Variants in NUP155 observed in about 807,000 individuals in gnomAD.
NUP155 encodes nuclear pore complex protein Nup155.
In NUP155, 71 loss-of-function variants were observed where a neutral mutation model predicts 180.4. The ratio of observed to expected loss-of-function variants is 0.39; its 90% CI spans 0.33 to 0.48. The LOEUF (loss-of-function observed/expected upper bound fraction) is 0.48, where lower values mean the gene tolerates loss of function less well. NUP155 is among the 20% of genes least tolerant of loss of function. The probability of loss-of-function intolerance (pLI) is 0.91; values close to 1 mark genes in which losing one functional copy is unlikely to be tolerated. For missense variants in NUP155, 1,553 were observed against 1,648.9 expected (o/e 0.94, Z 1.01); for synonymous variants, 582 against 559.5 (o/e 1.04, Z -0.57).
chr5:37,324,106 A>G lies in NUP155; in HGVS notation c.2093T>C (p.Ile698Thr). 4 of 1,593,308 alleles carry G rather than the reference A, an allele frequency of 2.5e-6. No individual in the cohort carries two copies. Among genetic ancestry groups the G allele is most frequent in the Admixed American group, 1.7e-5 (1 of 59,960 alleles). The change falls in exon 20 of 35, where the codon ATT (isoleucine) becomes ACT (threonine). Residue 698 changes from isoleucine to threonine, a missense_variant and splice_region_variant. By Grantham distance (89) the Ile-to-Thr change is moderately conservative. Coordinates refer to ENST00000231498, the MANE Select transcript of NUP155 (RefSeq NM_153485.3). ...FKSGNREITA[I>T]ESSVPCQLLE... The stretch of plus-strand genomic sequence containing the variant: ...CAGTTGGCAGGGAACACTACTTTCA[A>G]TCTGTAAAAATGAAAGATTTTTCAA...
chr5:37,305,124 T>C lies in NUP155; in HGVS notation c.2990A>G (p.Lys997Arg). ...KAAPQSPSVP[K>R]KPGPPVLSSD... The stretch of plus-strand genomic sequence containing the variant: ...TGACAACACTGGAGGACCAGGTTTT[T>C]TGGGTACACTGGGAGACTGAGGAGC... Residue 997 changes from lysine (K) to arginine (R), a missense_variant, in exon 26 of 35, where the codon AAA becomes AGA. Coordinates refer to ENST00000231498, the MANE Select transcript of NUP155 (RefSeq NM_153485.3). 2 of 1,614,054 alleles carry C rather than the reference T, an allele frequency of 1.2e-6. No homozygotes were observed. Among genetic ancestry groups the C allele is most frequent in the South Asian group, 2.2e-5 (2 of 91,076 alleles).
rs1264249191 is a variant in NUP155, at chr5:37,295,731, C to T, written c.3794-1266G>A. Among the ~76,000 whole-genome samples, 23 of 151,382 alleles carry T rather than the reference C, an allele frequency of 1.5e-4. No individual in the cohort carries two copies. The South Asian group carries it at 1.7e-3, about 11-fold the overall frequency. On this transcript the variant is annotated intron_variant, in intron 32 of 34. Transcript: ENST00000231498. Reference sequence around the variant, plus strand: ...CCGGGATGTGAGGAGCGTCTCTGCCCGGCCACCCCGTCTGAGAAGTGAGGA... The same window carrying T: ...CCGGGATGTGAGGAGCGTCTCTGCCTGGCCACCCCGTCTGAGAAGTGAGGA...
intron 11 of NUP155, among the ~76,000 whole-genome samples, chr5:37,338,270 A>G (rs1745476164): frequency 7.1e-6 from 1 of 140,842 alleles, no homozygotes; most frequent in African/African-American, 2.7e-5. Context: ...GTAAGCTGAG[A>G]TTGTGCCACT....
intron 1 of NUP155, among the ~76,000 whole-genome samples, chr5:37,368,610 A>T (rs1199326886): frequency 6.6e-6 from 1 of 152,046 alleles, no homozygotes; most frequent in Non-Finnish European, 1.5e-5. Flanking sequence ...ACATGAGGTC[A>T]GGAGATCAAG....
intron 8 of NUP155, 29 bp from the exon 9 acceptor site, chr5:37,348,625 AC>A: frequency 8.1e-7 from 1 of 1,237,350 alleles, no homozygotes; most frequent in Non-Finnish European, 1.2e-6. Context: ...TCTCACTTAA[AC>A]ATGATTATAT....
chr5:37,364,328 A>C lies in NUP155; in HGVS notation c.214T>G (p.Leu72Val). ...DMDYPLQGPG[L>V]LSVPNLPEIS... is the part of the protein sequence containing the mutation. Reference sequence around the variant, plus strand: ...TCTGGAAGGTTGGGTACGGACAGCAAACCAGGTCCTTGCAAAGGATAATCC... The same window carrying C: ...TCTGGAAGGTTGGGTACGGACAGCACACCAGGTCCTTGCAAAGGATAATCC... The change falls in exon 2 of 35, where the codon TTG (leucine) becomes GTG (valine). Residue 72 changes from leucine to valine, a missense_variant. Coordinates refer to ENST00000231498, the MANE Select transcript of NUP155 (RefSeq NM_153485.3). 1.2e-6 allele frequency: 2 copies of C among 1,611,702 alleles called. No homozygotes were observed. Among genetic ancestry groups the C allele is most frequent in the Non-Finnish European group, 1.7e-6 (2 of 1,177,814 alleles).
intron 16 of NUP155, 64 bp downstream of exon 16, chr5:37,329,126 T>C (rs1009415492): frequency 8.6e-7 from 1 of 1,166,922 alleles, no homozygotes; most frequent in Non-Finnish European, 1.3e-6. Context: ...TTGATAAAAA[T>C]TGCTATAAAG....
At chr5:37,364,125 CGAATTTTAAATAAAACCCTTAAAT>C in intron 2 of NUP155, 98 bp downstream of exon 2, 1 of 1,121,962 alleles carries the variant, frequency 8.9e-7, no homozygotes, top group South Asian at 1.3e-5. Flanking sequence ...TATACTTAAA[CGAATTTTAAATAAAACCCTTAAAT>C]GAATATATAA....
intron 32 of NUP155, among the ~76,000 whole-genome samples, chr5:37,295,379 C>T (rs1016839992): frequency 1.6e-4 from 24 of 152,176 alleles, no homozygotes; most frequent in Admixed American, 3.9e-4. Context: ...AGTGCAGTGG[C>T]GTGATCTCGG....
intron 11 of NUP155, among the ~76,000 whole-genome samples, chr5:37,338,230 A>G (rs552136704): frequency 2.0e-5 from 3 of 148,928 alleles, no homozygotes; most frequent in Non-Finnish European, 4.4e-5. Context: ...AGGCAGGAGA[A>G]TGGCGTGAAC....
intron 32 of NUP155, among the ~76,000 whole-genome samples, chr5:37,295,218 C>T (rs217814): frequency 0.032 from 4,816 of 152,156 alleles, 266 homozygotes; most frequent in African/African-American, 0.11. Flanking sequence ...GACTGGTTTT[C>T]GTATTTTTTG....
At chr5:37,358,935 T>C (rs1166540771) in intron 3 of NUP155, among the ~76,000 whole-genome samples, 1 of 151,316 alleles carries the variant, frequency 6.6e-6, no homozygotes, top group Non-Finnish European at 1.5e-5. Flanking sequence ...GAGAATCACT[T>C]GAACCCGGGA....
chr5:37,307,269 G>T, intron 25 of NUP155, 28 bp downstream of exon 25: 1 of 1,603,724 alleles, frequency 6.2e-7, no homozygotes, highest in East Asian at 2.2e-5. Context: ...CCATAAAGAT[G>T]ACAATCTGCT....
intron 1 of NUP155, among the ~76,000 whole-genome samples, chr5:37,369,533 T>C (rs146250584): frequency 6.6e-6 from 1 of 152,136 alleles, no homozygotes; most frequent in Non-Finnish European, 1.5e-5. Flanking sequence ...AGGACCAGAA[T>C]GCATGCACTG....
intron 1 of NUP155, among the ~76,000 whole-genome samples, chr5:37,370,189 G>T (rs1368803683): frequency 6.6e-6 from 1 of 152,180 alleles, no homozygotes; most frequent in East Asian, 1.9e-4. Context: ...GGCCAATATG[G>T]TGAAACCCCG....
intron 32 of NUP155, among the ~76,000 whole-genome samples, chr5:37,295,228 G>C (rs554250119): frequency 6.6e-6 from 1 of 152,158 alleles, no homozygotes; most frequent in Non-Finnish European, 1.5e-5. Flanking sequence ...CGTATTTTTT[G>C]GGTGGAGACG....
rs10473043 is a variant in NUP155, at chr5:37,288,433, A to G, written c.*3467T>C. ...TGTACATCAGTCAGTATCTCATAGCATAAACAGTTAGTCAAGATAGCTTTC... is the reference window on the plus strand; with the variant it reads ...TGTACATCAGTCAGTATCTCATAGCGTAAACAGTTAGTCAAGATAGCTTTC... On this transcript the variant is annotated 3_prime_UTR_variant, in exon 35 of 35. Coordinates refer to ENST00000231498, the MANE Select transcript of NUP155 (RefSeq NM_153485.3). The G allele has an allele frequency of 0.32, 48,914 of 151,672 alleles. 12,251 individuals carry two copies. The highest frequency in any genetic ancestry group is 0.71 in the African/African-American group (29,211 of 41,408). 9.4% of individuals were successfully genotyped at this position (151,672 alleles called of 1,614,324 possible). A position where few individuals can be genotyped will look rare whatever the true frequency, so the allele number is the denominator to read the frequency against.
At chr5:37,327,915 T>C in intron 17 of NUP155, 139 bp from the exon 18 acceptor site, 2 of 865,506 alleles carry the variant, frequency 2.3e-6, no homozygotes, top group Non-Finnish European at 3.7e-6. Flanking sequence ...CAAGTTTGTG[T>C]ATCTAGACAC....
intron 30 of NUP155, among the ~76,000 whole-genome samples, chr5:37,300,844 G>A (rs1298285468): frequency 6.9e-6 from 1 of 145,862 alleles, no homozygotes; most frequent in African/African-American, 2.5e-5. Context: ...TTTTTTTGAT[G>A]GAGTCTTGCT....
Sources: gnomAD v4.1 joint callset for allele counts (sites outside exome capture counted in the v4.1 genomes callset) on GRCh38, gnomAD v4.1.1 for gene constraint, MANE v1.5 for transcripts, NCBI Gene and HGNC (gene_info 2026-07-23, HGNC 2026-07-21) for gene names.